NAALADL2: variants seen among roughly 807,000 people sequenced by gnomAD.
The protein encoded by NAALADL2 is N-acetylated alpha-linked acidic dipeptidase like 2.
In NAALADL2, 76 loss-of-function variants were observed where a neutral mutation model predicts 87.2. The ratio of observed to expected loss-of-function variants is 0.87; its 90% CI spans 0.72 to 1.05. The LOEUF (loss-of-function observed/expected upper bound fraction) is 1.05, where lower values mean the gene tolerates loss of function less well. Among genes scored for constraint, NAALADL2 ranks in the 50% least tolerant of loss-of-function variants. NAALADL2 has a pLI of 0.00. For missense variants in NAALADL2, 1,089 were observed against 945.8 expected (o/e 1.15, Z -1.99); for synonymous variants, 354 against 331.0 (o/e 1.07, Z -0.75).
At chr3:175,698,928 A>G (rs1030459842) in intron 11 of NAALADL2, among the ~76,000 whole-genome samples, 2 of 151,982 alleles carry the variant, frequency 1.3e-5, no homozygotes, top group Non-Finnish European at 2.9e-5. Flanking sequence ...ACATAAAACT[A>G]TCTAGCACTA....
At chr3:175,207,097 A>G (rs1741056464) in intron 2 of NAALADL2, among the ~76,000 whole-genome samples, 1 of 152,172 alleles carries the variant, frequency 6.6e-6, no homozygotes, top group Non-Finnish European at 1.5e-5. Flanking sequence ...TGAATGATAG[A>G]TGTTATAAAT....
At chr3:175,373,887 T>C (rs1766791547) in intron 5 of NAALADL2, among the ~76,000 whole-genome samples, 1 of 152,172 alleles carries the variant, frequency 6.6e-6, no homozygotes, top group Admixed American at 6.5e-5. Flanking sequence ...TAGTTTTAAT[T>C]TTCATTTCTC....
In NAALADL2 at chr3:175,363,125, T is replaced by A. The variant is rs1268659956; in HGVS notation, c.1090+38800T>A. 2.0e-5 allele frequency among the ~76,000 whole-genome samples: 3 copies of A among 147,816 alleles called. 1 individual carries two copies. Among genetic ancestry groups the A allele is most frequent in the Admixed American group, 1.4e-4 (2 of 14,380 alleles). On this transcript the variant is annotated intron_variant, in intron 5 of 13. Coordinates refer to ENST00000454872, the MANE Select transcript of NAALADL2 (RefSeq NM_207015.3). ...CTGTCCCTGGAATGTACCTTGATTT[T>A]GTCTTTCAGCTTTCTATTTAGTTGT... is the stretch of plus-strand genomic sequence containing the variant.
chr3:174,837,201 A>G (rs1723432130), intron 3 of NAALADL2, among the ~76,000 whole-genome samples: 1 of 152,210 alleles, frequency 6.6e-6, no homozygotes, highest in Non-Finnish European at 1.5e-5. Context: ...AAATGAAAGA[A>G]AAAGCTGGTT....
chr3:174,824,009 C>CT (rs1477352492), intron 3 of NAALADL2, among the ~76,000 whole-genome samples: 3 of 152,040 alleles, frequency 2.0e-5, no homozygotes, highest in African/African-American at 7.2e-5. Context: ...TGGATTGGTT[C>CT]TTTCATTTTT....
At chr3:174,787,602 T>TATATATATATATATATATACACAC (rs1716925771) in intron 3 of NAALADL2, among the ~76,000 whole-genome samples, 1 of 73,370 alleles carries the variant, frequency 1.4e-5, no homozygotes, top group African/African-American at 4.3e-5. Flanking sequence ...TATATATATA[T>TATATATATATATATATATACACAC]ATATATATAT....
intron 1 of NAALADL2, among the ~76,000 whole-genome samples, chr3:174,464,076 G>T (rs1577965462): frequency 1.3e-5 from 2 of 151,976 alleles, no homozygotes; most frequent in East Asian, 3.9e-4. Flanking sequence ...AGGAAAATAA[G>T]GAATTCCAGA....
chr3:174,583,226 C>T (rs1370842463), intron 2 of NAALADL2, among the ~76,000 whole-genome samples: 2 of 152,168 alleles, frequency 1.3e-5, no homozygotes, highest in East Asian at 1.9e-4. Context: ...CATATATAAC[C>T]TATCAAACTG....
At chr3:175,406,694 A>G (rs1158843780) in intron 5 of NAALADL2, among the ~76,000 whole-genome samples, 1 of 152,184 alleles carries the variant, frequency 6.6e-6, no homozygotes, top group Admixed American at 6.5e-5. Context: ...TCCTGTATAT[A>G]TACCATCAAA....
At chr3:175,451,449 T>A (rs1002766416) in intron 6 of NAALADL2, among the ~76,000 whole-genome samples, 5 of 152,190 alleles carry the variant, frequency 3.3e-5, no homozygotes, top group African/African-American at 9.7e-5. Flanking sequence ...GTCTTTTTCT[T>A]TGTAGACCTG....
At chr3:175,040,685 A>T (rs939743122) in intron 1 of NAALADL2, among the ~76,000 whole-genome samples, 1 of 152,332 alleles carries the variant, frequency 6.6e-6, no homozygotes, top group Non-Finnish European at 1.5e-5. Flanking sequence ...AATAAATATG[A>T]AAGTGTTTTG....
At chr3:174,626,072 A>G (rs1176893889) in intron 2 of NAALADL2, among the ~76,000 whole-genome samples, 1 of 147,092 alleles carries the variant, frequency 6.8e-6, no homozygotes, top group Admixed American at 6.9e-5. Flanking sequence ...ATTCCTATGC[A>G]TATGTATAAC....
At chr3:175,723,827 T>C (rs1407626931) in intron 11 of NAALADL2, among the ~76,000 whole-genome samples, 2 of 152,236 alleles carry the variant, frequency 1.3e-5, no homozygotes, top group East Asian at 3.9e-4. Flanking sequence ...TTCACTTACC[T>C]GTTCCTCTTA....
At chr3:174,508,131 T>TTTTTTA (rs71162394) in intron 1 of NAALADL2, among the ~76,000 whole-genome samples, 1 of 148,992 alleles carries the variant, frequency 6.7e-6, no homozygotes, top group Admixed American at 6.7e-5. Flanking sequence ...TTTTTTTTTT[T>TTTTTTA]GAGACGAAGT....
chr3:175,392,924 A>G (rs149200912), intron 5 of NAALADL2, among the ~76,000 whole-genome samples: 1 of 152,202 alleles, frequency 6.6e-6, no homozygotes, highest in Non-Finnish European at 1.5e-5. Flanking sequence ...AGAAAAGACT[A>G]CAAATCAAAA....
intron 1 of NAALADL2, among the ~76,000 whole-genome samples, chr3:175,027,813 T>A (rs1355963244): frequency 6.6e-6 from 1 of 152,094 alleles, no homozygotes; most frequent in Non-Finnish European, 1.5e-5. Flanking sequence ...TTCAATACCT[T>A]GAAATGGCAA....
At chr3:175,662,117 G>C (rs1007774787) in intron 11 of NAALADL2, among the ~76,000 whole-genome samples, 3 of 151,796 alleles carry the variant, frequency 2.0e-5, no homozygotes, top group Non-Finnish European at 4.4e-5. Flanking sequence ...AATTTCCCAC[G>C]AACATCAGAT....
At chr3:174,759,948 C>T (rs1008032203) in intron 3 of NAALADL2, among the ~76,000 whole-genome samples, 2 of 152,184 alleles carry the variant, frequency 1.3e-5, no homozygotes, top group East Asian at 3.9e-4. Flanking sequence ...ATCTGCCCGC[C>T]TCTGCCTCCC....
chr3:175,536,557 T>A (rs1055417426), intron 9 of NAALADL2, among the ~76,000 whole-genome samples: 7 of 152,170 alleles, frequency 4.6e-5, no homozygotes, highest in African/African-American at 1.7e-4. Flanking sequence ...TTGATTAGAC[T>A]TGAAATTAAA....
Sources: gnomAD v4.1 joint callset for allele counts (sites outside exome capture counted in the v4.1 genomes callset) on GRCh38, gnomAD v4.1.1 for gene constraint, MANE v1.5 for transcripts, NCBI Gene and HGNC (gene_info 2026-07-23, HGNC 2026-07-21) for gene names.